SH3BP4: variants seen among roughly 807,000 people sequenced by gnomAD.
The protein encoded by SH3BP4 is SH3 domain binding protein 4, also known as SH3 domain-binding protein 4.
In SH3BP4, 33 loss-of-function variants were observed where a neutral mutation model predicts 65.5. The ratio of observed to expected loss-of-function variants is 0.50; its 90% CI spans 0.38 to 0.67. The LOEUF (loss-of-function observed/expected upper bound fraction) is 0.67, where lower values mean the gene tolerates loss of function less well. SH3BP4 is among the 30% of genes least tolerant of loss of function. SH3BP4 has a pLI of 0.00. For missense variants in SH3BP4, 1,134 were observed against 1,261.4 expected, an observed-to-expected ratio of 0.90 and a Z score of 1.53; for synonymous variants, 552 against 545.5, an observed-to-expected ratio of 1.01 and a Z score of -0.17.
At position 235,042,236 on chromosome 2, in the gene SH3BP4, G is replaced by A; in HGVS notation, c.1467G>A (p.Lys489=). The A allele has an allele frequency of 6.2e-7, 1 of 1,614,076 alleles. No homozygotes were observed. The highest frequency in any genetic ancestry group is 8.5e-7 in the Non-Finnish European group (1 of 1,180,020). Residue 489 remains lysine, a synonymous_variant, in exon 4 of 6, where the codon AAG becomes AAA. Coordinates refer to ENST00000392011, the MANE Select transcript of SH3BP4 (RefSeq NM_014521.3). The surrounding 1 kb of genome is among the most constrained non-coding windows in gnomAD (Gnocchi z 7.3). The stretch of plus-strand genomic sequence containing the variant: ...CTAAACACATCCACCCATCCTTCAA[G>A]ACGGTAGTGACCATTTTTGGGCATG... ...YGPKHIHPSF[K]TVVTIFGHDC... is the part of the protein sequence containing the mutation.
intron 3 of SH3BP4, among the ~76,000 whole-genome samples, chr2:235,039,998 G>T (rs893024765): frequency 1.3e-5 from 2 of 152,222 alleles, no homozygotes; most frequent in African/African-American, 4.8e-5. Context: ...ATTTTGGGAG[G>T]CTGAGGCGGG....
At position 235,041,722 on chromosome 2, in the gene SH3BP4, A is replaced by G. The variant is rs916053176; in HGVS notation, c.953A>G (p.Asn318Ser). ...GGCCAGACCCAAGCCGTGGAGACAA[A>G]CATCGTGTGCAAGCTGGATAGCTCC... ...GWGQTQAVET[N>S]IVCKLDSSGG... is the part of the protein sequence containing the mutation. The change falls in exon 4 of 6, where the codon AAC (asparagine) becomes AGC (serine). Residue 318 changes from asparagine to serine, a missense_variant. Physicochemically the swap from Asn to Ser is conservative, Grantham distance 46 (BLOSUM62 1). Transcript: ENST00000392011. The surrounding 1 kb of genome is among the most constrained non-coding windows in gnomAD (Gnocchi z 6.0). 2 of 1,611,784 alleles carry G rather than the reference A, an allele frequency of 1.2e-6. No homozygotes were observed. Among genetic ancestry groups the G allele is most frequent in the Non-Finnish European group, 1.7e-6 (2 of 1,178,646 alleles).
rs1192451472 is a variant in SH3BP4, at chr2:235,045,230, C to T, written c.2478+1983C>T. 6.6e-6 allele frequency among the ~76,000 whole-genome samples: 1 copy of T among 152,102 alleles called. No individual in the cohort carries two copies. Among genetic ancestry groups the T allele is most frequent in the Non-Finnish European group, 1.5e-5 (1 of 68,014 alleles). ...CCACAGCCGTGGCTGTGCATGCTGT[C>T]GTGGAACCTGACAGCATTGCTGAGC... On this transcript the variant is annotated intron_variant, in intron 4 of 5. Transcript: ENST00000392011. This position sits in a 1 kb window ranked among gnomAD's most constrained non-coding sequence, Gnocchi z 4.3.
intron 1 of SH3BP4, chr2:234,979,409 A>C (rs1693280685): frequency 6.6e-6 from 1 of 152,198 alleles, no homozygotes; most frequent in Non-Finnish European, 1.5e-5. Context: ...TTGTGTTTCT[A>C]AGCAACATCG....
intron 2 of SH3BP4, among the ~76,000 whole-genome samples, chr2:235,000,433 C>G (rs1379540193): frequency 6.6e-6 from 1 of 152,208 alleles, no homozygotes; most frequent in East Asian, 1.9e-4. Flanking sequence ...GGGCCCCGCC[C>G]TTTGGTTCCA....
intron 1 of SH3BP4, among the ~76,000 whole-genome samples, chr2:234,972,183 G>A (rs936089594): frequency 1.3e-5 from 2 of 150,022 alleles, no homozygotes; most frequent in African/African-American, 4.9e-5. Context: ...CCAGGCTGGA[G>A]GGCAGTGGCG....
intron 1 of SH3BP4, among the ~76,000 whole-genome samples, chr2:234,988,691 G>A (rs779852370): frequency 1.3e-5 from 2 of 152,162 alleles, no homozygotes; most frequent in Admixed American, 6.5e-5. Flanking sequence ...GGTGCTGCGC[G>A]GGTGCCAGGA....
chr2:234,983,647 A>G (rs1211630097), intron 1 of SH3BP4, among the ~76,000 whole-genome samples: 1 of 152,238 alleles, frequency 6.6e-6, no homozygotes, highest in East Asian at 1.9e-4. Flanking sequence ...AGATGGTGAG[A>G]TACCCTGGAT....
At chr2:234,964,832 G>A (rs1692799269) in intron 1 of SH3BP4, among the ~76,000 whole-genome samples, 2 of 152,116 alleles carry the variant, frequency 1.3e-5, no homozygotes, top group African/African-American at 4.8e-5. Context: ...GTGTAAGCGT[G>A]ACTTGAAAGG....
intron 1 of SH3BP4, among the ~76,000 whole-genome samples, chr2:234,970,225 G>T (rs924234889): frequency 6.6e-6 from 1 of 152,178 alleles, no homozygotes; most frequent in Admixed American, 6.5e-5. Context: ...AAACATTTGG[G>T]AACGCTGATG....
intron 3 of SH3BP4, among the ~76,000 whole-genome samples, chr2:235,038,364 ATAATATATATACATATATATATATAT>A (rs1695501727): frequency 3.0e-5 from 1 of 33,500 alleles, no homozygotes; most frequent in African/African-American, 2.6e-4. Context: ...ATATATATAT[ATAATATATATACATATATATATATAT>A]ATATATATAT....
In SH3BP4 at chr2:235,052,289, A is replaced by G. The variant is rs1696080885; in HGVS notation, c.2479-273A>G. Among the ~76,000 whole-genome samples, 1 of 150,552 alleles carries G rather than the reference A, an allele frequency of 6.6e-6. No homozygotes were observed. The stretch of plus-strand genomic sequence containing the variant: ...CCTCATCTTAATTCTATCTGCAAAG[A>G]CCCCATTTTCAAGTAAGGTCACGTT... On this transcript the variant is annotated intron_variant, in intron 4 of 5. Transcript: ENST00000392011. This position sits in a 1 kb window ranked among gnomAD's most constrained non-coding sequence, Gnocchi z 5.0.
rs748151817 is a variant in SH3BP4 at position 235,035,011 on chromosome 2, T to C, written c.9T>C (p.Ala3=). The C allele has an allele frequency of 3.1e-6, 5 of 1,613,832 alleles. No homozygotes were observed. The highest frequency in any genetic ancestry group is 4.2e-6 in the Non-Finnish European group (5 of 1,179,926). MA[A]QRIRAANSNG... ...GGGAAGCGAGTTTCGAGATGGCGGCTCAGCGGATCCGAGCGGCCAACTCCA... is the reference window on the plus strand; with the variant it reads ...GGGAAGCGAGTTTCGAGATGGCGGCCCAGCGGATCCGAGCGGCCAACTCCA... The change falls in exon 3 of 6, where the codon GCT becomes GCC. Residue 3 remains alanine, a synonymous_variant. Transcript: ENST00000392011. This position sits in a 1 kb window ranked among gnomAD's most constrained non-coding sequence, Gnocchi z 5.0.
In SH3BP4 at chr2:235,041,337, G is replaced by A. The variant is rs1372620521; in HGVS notation, c.568G>A (p.Val190Met). The change falls in exon 4 of 6, where the codon GTG (valine) becomes ATG (methionine). Residue 190 changes from valine (V) to methionine (M), a missense_variant. Transcript: ENST00000392011. This position sits in a 1 kb window ranked among gnomAD's most constrained non-coding sequence, Gnocchi z 6.0. ...GGATGAGCTGAATCCCAAAAGTACT[G>A]TGGATTTGCTCCTTTTTGACGCAGG... is the stretch of plus-strand genomic sequence containing the variant. ...SLDELNPKST[V>M]DLLLFDAGTS... 2.5e-6 allele frequency: 4 copies of A among 1,614,208 alleles called. No homozygotes were observed. The highest frequency in any genetic ancestry group is 2.5e-6 in the Non-Finnish European group (3 of 1,180,028).
intron 1 of SH3BP4, among the ~76,000 whole-genome samples, chr2:234,989,721 T>C (rs1191663272): frequency 6.6e-6 from 1 of 152,230 alleles, no homozygotes; most frequent in Non-Finnish European, 1.5e-5. Flanking sequence ...AAATTTCTTA[T>C]CATTTTCACG....
At chr2:235,011,338 C>G (rs1694499204) in intron 2 of SH3BP4, among the ~76,000 whole-genome samples, 1 of 152,220 alleles carries the variant, frequency 6.6e-6, no homozygotes, top group African/African-American at 2.4e-5. Flanking sequence ...TGGCCCTCTT[C>G]TGTCTGTGTC....
chr2:235,052,721 C>T lies in SH3BP4; in HGVS notation c.2638C>T (p.Arg880Trp), dbSNP rs967693267. The T allele has an allele frequency of 6.2e-6, 10 of 1,604,062 alleles. No homozygotes were observed. Among genetic ancestry groups the T allele is most frequent in the Admixed American group, 1.7e-5 (1 of 59,070 alleles). Reference protein sequence around the residue: ...QQMDAYESPHRDRNGVVDSEA... With the variant: ...QQMDAYESPHWDRNGVVDSEA... ...GATGGACGCCTACGAGTCTCCCCAC[C>T]GGGACAGGAACGGGGTTGTGGACAG... The change falls in exon 5 of 6, where the codon CGG becomes TGG. Residue 880 changes from arginine (R) to tryptophan (W), a missense_variant. By Grantham distance (101) the Arg-to-Trp change is moderately radical. Transcript: ENST00000392011. This position sits in a 1 kb window ranked among gnomAD's most constrained non-coding sequence, Gnocchi z 5.0.
At chr2:235,029,595 AT>A (rs57707244) in intron 2 of SH3BP4, among the ~76,000 whole-genome samples, 17,624 of 152,198 alleles carry the variant, frequency 0.12, 2,573 homozygotes, top group African/African-American at 0.34. Context: ...AAGGTAGCTA[AT>A]GTATGTTTCC....
chr2:235,044,965 G>A (rs1176228181), intron 4 of SH3BP4, among the ~76,000 whole-genome samples: 1 of 152,204 alleles, frequency 6.6e-6, no homozygotes, highest in East Asian at 1.9e-4. Context: ...CACTTGGGTG[G>A]GGAGGAAGCG....
Sources: allele counts gnomAD v4.1 joint callset (sites outside exome capture counted in the v4.1 genomes callset), GRCh38; gene constraint gnomAD v4.1.1; non-coding constraint Gnocchi (gnomAD v3.1); transcripts MANE v1.5; gene names NCBI Gene and HGNC (gene_info 2026-07-23, HGNC 2026-07-21).